DPP10: variants seen among roughly 807,000 people sequenced by gnomAD.
The protein encoded by DPP10 is inactive dipeptidyl peptidase 10.
Under a neutral mutation model 120.9 loss-of-function variants are expected in DPP10, and 33 were observed. The observed-to-expected ratio is 0.27, with a 90% CI of 0.21 to 0.37. The LOEUF (loss-of-function observed/expected upper bound fraction) is 0.37, where lower values mean the gene tolerates loss of function less well. Ranked by LOEUF, DPP10 falls within the 10% of genes least tolerant of loss-of-function variation. The pLI is 1.00. For missense variants in DPP10, 816 were observed against 942.8 expected (o/e 0.87, Z 1.76); for synonymous variants, 337 against 326.1 (o/e 1.03, Z -0.36).
chr2:115,493,568 A>C (rs1371511318), intron 3 of DPP10, among the ~76,000 whole-genome samples: 1 of 151,864 alleles, frequency 6.6e-6, no homozygotes, highest in South Asian at 2.1e-4. Context: ...TTGTTTAGAT[A>C]GCAATTGAGA....
chr2:115,680,654 T>C (rs1039675794), intron 5 of DPP10, among the ~76,000 whole-genome samples: 1 of 152,044 alleles, frequency 6.6e-6, no homozygotes, highest in Non-Finnish European at 1.5e-5. Context: ...GTTAAGCTAG[T>C]TAAGCTACTT....
At chr2:114,621,830 G>A (rs564069519) in intron 1 of DPP10, among the ~76,000 whole-genome samples, 1 of 151,490 alleles carries the variant, frequency 6.6e-6, no homozygotes, top group East Asian at 2.0e-4. Context: ...CTCCTTGTGT[G>A]TAATTCAATA....
At position 114,587,066 on chromosome 2, in the gene DPP10, G is replaced by A. The variant is rs1573726344; in HGVS notation, c.60+144228G>A. 2.0e-5 allele frequency among the ~76,000 whole-genome samples: 3 copies of A among 152,248 alleles called. No homozygotes were observed. The East Asian group carries it at 5.8e-4, about 29-fold the overall frequency. The stretch of plus-strand genomic sequence containing the variant: ...TAATCCCAGCACTTTGGGAGGCCGA[G>A]GCGGGCAGATCACGAGGTCAGGAGT... On this transcript the variant is annotated intron_variant, in intron 1 of 25. Coordinates refer to ENST00000410059, the MANE Select transcript of DPP10 (RefSeq NM_020868.6).
Position 115,791,159 on chromosome 2 carries a change from T to C in DPP10, c.1610T>C (p.Ile537Thr), listed in dbSNP as rs755729327. 68 of 1,613,440 alleles carry C rather than the reference T, an allele frequency of 4.2e-5. No homozygotes were observed. The highest frequency in any genetic ancestry group is 5.4e-5 in the Non-Finnish European group (64 of 1,179,744). Residue 537 changes from isoleucine (I) to threonine (T), a missense_variant, in exon 18 of 26, where the codon ATC becomes ACC. Physicochemically the swap from Ile to Thr is moderately conservative, Grantham distance 89. Transcript: ENST00000410059. ...AAGATAGGAAAGCCAGAAATTAAAA[T>C]CCTTCATATTGACGACTATGGTAAA... The part of the protein sequence containing the change: ...KKKIGKPEIK[I>T]LHIDDYELPL...
chr2:115,057,766 CAT>C (rs1359311684), intron 1 of DPP10, among the ~76,000 whole-genome samples: 9 of 152,218 alleles, frequency 5.9e-5, no homozygotes, highest in African/African-American at 2.2e-4. Context: ...AAATAAGAAT[CAT>C]AGAATTTAGG....
chr2:115,743,127 A>C (rs990481229), intron 9 of DPP10, among the ~76,000 whole-genome samples: 2 of 151,932 alleles, frequency 1.3e-5, no homozygotes, highest in Non-Finnish European at 2.9e-5. Context: ...TCTTCATGGC[A>C]AATGTAACTG....
chr2:115,711,938 T>TTTTG (rs1559061134), intron 7 of DPP10, among the ~76,000 whole-genome samples: 2 of 129,332 alleles, frequency 1.5e-5, no homozygotes, highest in Non-Finnish European at 1.7e-5. Flanking sequence ...TTTTTTTTTT[T>TTTTG]GGAATCATTG....
At position 114,443,980 on chromosome 2, in the gene DPP10, A is replaced by G. The variant is rs1487676388; in HGVS notation, c.60+1142A>G. Among the ~76,000 whole-genome samples, 3 of 152,168 alleles carry G rather than the reference A, an allele frequency of 2.0e-5. No individual in the cohort carries two copies. In the East Asian group the frequency reaches 5.8e-4, roughly 29 times the overall value. On this transcript the variant is annotated intron_variant, in intron 1 of 25. Transcript: ENST00000410059. ...CAGTGATAGATAAACCATAAACTAAACATGTTCCTCTATTTATTAGCAGTG... is the reference window on the plus strand; with the variant it reads ...CAGTGATAGATAAACCATAAACTAAGCATGTTCCTCTATTTATTAGCAGTG...
chr2:114,694,344 G>A (rs72826535), intron 1 of DPP10, among the ~76,000 whole-genome samples: 1 of 151,866 alleles, frequency 6.6e-6, no homozygotes, highest in East Asian at 1.9e-4. Context: ...GAGAAAATAT[G>A]TCTTACAATT....
chr2:115,631,455 T>G (rs2085865756), intron 5 of DPP10, among the ~76,000 whole-genome samples: 1 of 152,170 alleles, frequency 6.6e-6, no homozygotes, highest in African/African-American at 2.4e-5. Flanking sequence ...CTGCCAGTTT[T>G]GGGGTTTGTT....
intron 3 of DPP10, among the ~76,000 whole-genome samples, chr2:115,489,120 A>G (rs1435358996): frequency 6.6e-6 from 1 of 152,148 alleles, no homozygotes; most frequent in Non-Finnish European, 1.5e-5. Flanking sequence ...TTTTTATTTA[A>G]AGAACCAGAG....
chr2:114,922,109 T>G (rs1362320833), intron 1 of DPP10, among the ~76,000 whole-genome samples: 1 of 152,190 alleles, frequency 6.6e-6, no homozygotes, highest in East Asian at 1.9e-4. Flanking sequence ...TACCATAAAG[T>G]TAGCCCTTTT....
intron 2 of DPP10, among the ~76,000 whole-genome samples, chr2:115,316,488 G>T (rs1456576659): frequency 6.6e-6 from 1 of 152,122 alleles, no homozygotes; most frequent in East Asian, 1.9e-4. Flanking sequence ...TTCAGCTGAG[G>T]ATTGAGGTGT....
intron 19 of DPP10, among the ~76,000 whole-genome samples, chr2:115,801,861 C>G (rs930735018): frequency 7.9e-5 from 12 of 152,074 alleles, no homozygotes; most frequent in Non-Finnish European, 1.3e-4. Context: ...ATTTTTGCAT[C>G]AATGTTCTTC....
chr2:115,198,109 T>C (rs1008313735), intron 1 of DPP10, among the ~76,000 whole-genome samples: 4 of 152,214 alleles, frequency 2.6e-5, no homozygotes, highest in African/African-American at 9.6e-5. Context: ...ATCATATTAA[T>C]CTTGCTTTCT....
intron 12 of DPP10, among the ~76,000 whole-genome samples, chr2:115,766,310 G>A (rs868376668): frequency 2.5e-3 from 203 of 81,730 alleles, no homozygotes; most frequent in African/African-American, 8.5e-3. Context: ...GTGTGTGTGT[G>A]TATATATATA....
At position 115,555,567 on chromosome 2, in the gene DPP10, G is replaced by A. The variant is rs137996157; in HGVS notation, c.441+29595G>A. 4.3e-4 allele frequency among the ~76,000 whole-genome samples: 65 copies of A among 152,176 alleles called. No homozygotes were observed. In the East Asian group the frequency reaches 0.012, roughly 28 times the overall value. ...TTTGTCTTCCTGAGATGGGAGAAGG[G>A]AACATTTCCACAAGGAAAACTAATG... On this transcript the variant is annotated intron_variant, in intron 5 of 25. Transcript: ENST00000410059.
Position 114,933,664 on chromosome 2 carries a change from T to A in DPP10, c.61-375575T>A, listed in dbSNP as rs189437836. On this transcript the variant is annotated intron_variant, in intron 1 of 25. Coordinates refer to ENST00000410059, the MANE Select transcript of DPP10 (RefSeq NM_020868.6). ...AAAGCAACAGCAACAATAAAAAGTA[T>A]CAAAGGGTGAGAGCTATATGATAAA... is the stretch of plus-strand genomic sequence containing the variant. 2.7e-4 allele frequency among the ~76,000 whole-genome samples: 41 copies of A among 152,242 alleles called. 1 individual carries two copies. The highest frequency in any genetic ancestry group is 2.6e-3 in the Admixed American group (39 of 15,274).
At chr2:114,851,457 T>A (rs1187388994) in intron 1 of DPP10, among the ~76,000 whole-genome samples, 2 of 152,236 alleles carry the variant, frequency 1.3e-5, no homozygotes, top group Non-Finnish European at 2.9e-5. Flanking sequence ...TTATAGGAGC[T>A]ATTTGCATTT....
Sources: gnomAD v4.1 joint callset for allele counts (sites outside exome capture counted in the v4.1 genomes callset) on GRCh38, gnomAD v4.1.1 for gene constraint, MANE v1.5 for transcripts, NCBI Gene and HGNC (gene_info 2026-07-23, HGNC 2026-07-21) for gene names.